Variants in NRG3 observed in about 807,000 individuals in gnomAD.
The protein encoded by NRG3 is neuregulin 3.
NRG3 carries 31 observed loss-of-function variants against 66.9 expected under a neutral mutation model. The ratio of observed to expected loss-of-function variants is 0.46; its 90% CI spans 0.35 to 0.63. The LOEUF is 0.63. Among genes scored for constraint, NRG3 ranks in the 20% least tolerant of loss-of-function variants. The probability of loss-of-function intolerance (pLI) is 0.00; values close to 1 mark genes in which losing one functional copy is unlikely to be tolerated. For missense variants in NRG3, 910 were observed against 878.9 expected, an observed-to-expected ratio of 1.04 and a Z score of -0.45; for synonymous variants, 393 against 359.4, an observed-to-expected ratio of 1.09 and a Z score of -1.06.
At chr10:82,977,500 T>C (rs1175873971) in intron 7 of NRG3, among the ~76,000 whole-genome samples, 2 of 151,568 alleles carry the variant, frequency 1.3e-5, no homozygotes, top group African/African-American at 4.9e-5. Flanking sequence ...TCCCAGCTAC[T>C]TGGGAGGCTG....
At chr10:81,879,285 G>A (rs1452588135) in intron 1 of NRG3, among the ~76,000 whole-genome samples, 2 of 152,214 alleles carry the variant, frequency 1.3e-5, no homozygotes, top group Non-Finnish European at 2.9e-5. Flanking sequence ...GTATTTGAAA[G>A]TAGAGGTTAA....
chr10:82,846,430 A>G (rs2063311798), intron 3 of NRG3, among the ~76,000 whole-genome samples: 1 of 152,214 alleles, frequency 6.6e-6, no homozygotes, highest in African/African-American at 2.4e-5. Context: ...TTATTAAAAT[A>G]CATTTTAAAA....
At chr10:82,647,401 T>C (rs2133858785) in intron 2 of NRG3, among the ~76,000 whole-genome samples, 1 of 152,286 alleles carries the variant, frequency 6.6e-6, no homozygotes, top group African/African-American at 2.4e-5. Flanking sequence ...ATCCAGTCTA[T>C]CATTGTTGGA....
intron 2 of NRG3, among the ~76,000 whole-genome samples, chr10:82,722,793 C>A (rs1452092865): frequency 6.6e-6 from 1 of 152,188 alleles, no homozygotes; most frequent in Non-Finnish European, 1.5e-5. Context: ...CACCCCACTT[C>A]TTCTGTCTCC....
At chr10:82,794,533 G>A (rs1319500684) in intron 3 of NRG3, among the ~76,000 whole-genome samples, 4 of 152,106 alleles carry the variant, frequency 2.6e-5, no homozygotes, top group African/African-American at 7.2e-5. Context: ...TGTTTACACT[G>A]TTTACTCCCT....
At chr10:82,104,689 T>G (rs1411986543) in intron 1 of NRG3, among the ~76,000 whole-genome samples, 2 of 152,178 alleles carry the variant, frequency 1.3e-5, no homozygotes, top group Non-Finnish European at 2.9e-5. Flanking sequence ...ATCTTAACAT[T>G]GTTTATTGAA....
intron 2 of NRG3, among the ~76,000 whole-genome samples, chr10:82,706,770 G>T (rs1359052301): frequency 1.3e-5 from 2 of 151,996 alleles, no homozygotes; most frequent in Non-Finnish European, 2.9e-5. Flanking sequence ...GAGGCAGGTG[G>T]ATCACTTGAT....
At chr10:82,903,858 C>T (rs553084316) in intron 4 of NRG3, among the ~76,000 whole-genome samples, 1 of 152,196 alleles carries the variant, frequency 6.6e-6, no homozygotes, top group Non-Finnish European at 1.5e-5. Flanking sequence ...ATAACTTCCA[C>T]ATTGTCCAAG....
chr10:82,967,775 C>T (rs956537672), intron 6 of NRG3, among the ~76,000 whole-genome samples: 2 of 152,180 alleles, frequency 1.3e-5, no homozygotes, highest in African/African-American at 4.8e-5. Context: ...CTTCCACTGG[C>T]AGAGACATTA....
At chr10:82,694,190 T>C (rs1448139155) in intron 2 of NRG3, among the ~76,000 whole-genome samples, 1 of 152,096 alleles carries the variant, frequency 6.6e-6, no homozygotes, top group African/African-American at 2.4e-5. Flanking sequence ...AGAGTGCTGA[T>C]TGGTGCATTT....
In NRG3 at chr10:82,985,212, T is replaced by C. The variant is rs765090383; in HGVS notation, c.1698T>C (p.Tyr566=). The change falls in exon 9 of 9, where the codon TAT becomes TAC. Residue 566 remains tyrosine (Y), a synonymous_variant. Transcript: ENST00000372141. ...NSLEQKDLVG[Y]SSTRASSVPI... is the part of the protein sequence containing the mutation. Reference sequence around the variant, plus strand: ...TGGAGCAAAAGGACCTGGTGGGCTATTCATCCACAAGGGCCAGTTCTGTGC... The same window carrying C: ...TGGAGCAAAAGGACCTGGTGGGCTACTCATCCACAAGGGCCAGTTCTGTGC... 27 of 1,614,050 alleles carry C rather than the reference T, an allele frequency of 1.7e-5. No individual in the cohort carries two copies. Among genetic ancestry groups the C allele is most frequent in the Non-Finnish European group, 1.9e-5 (23 of 1,180,010 alleles).
chr10:82,126,153 A>G (rs901542822), intron 1 of NRG3, among the ~76,000 whole-genome samples: 1 of 152,090 alleles, frequency 6.6e-6, no homozygotes, highest in African/African-American at 2.4e-5. Context: ...AGTGAATTTC[A>G]CCATTAATGA....
chr10:82,436,849 T>G (rs2090166627), intron 2 of NRG3, among the ~76,000 whole-genome samples: 1 of 152,108 alleles, frequency 6.6e-6, no homozygotes, highest in Admixed American at 6.6e-5. Context: ...TCTTTAAGAG[T>G]GCTAAATATT....
chr10:82,934,266 G>A (rs960929397), intron 4 of NRG3, among the ~76,000 whole-genome samples: 1 of 152,188 alleles, frequency 6.6e-6, no homozygotes, highest in African/African-American at 2.4e-5. Context: ...AATGCGGTTA[G>A]GACATAAAGT....
At chr10:82,634,626 G>C (rs2050064925) in intron 2 of NRG3, among the ~76,000 whole-genome samples, 1 of 152,150 alleles carries the variant, frequency 6.6e-6, no homozygotes, top group South Asian at 2.1e-4. Context: ...GAGAAATATA[G>C]TTAGAAAGTC....
Position 82,073,083 on chromosome 10 carries a change from A to C in NRG3, c.823+196920A>C, listed in dbSNP as rs2133343112. On this transcript the variant is annotated intron_variant, in intron 1 of 8. Transcript: ENST00000372141. ...AGCCACCACACTGGGCCTCTACTGTAGACACATCTTTATAAAATTAGGAAG... is the reference window on the plus strand; with the variant it reads ...AGCCACCACACTGGGCCTCTACTGTCGACACATCTTTATAAAATTAGGAAG... Among the ~76,000 whole-genome samples the C allele has an allele frequency of 1.3e-5, 2 of 152,044 alleles. 1 individual carries two copies. Among genetic ancestry groups the C allele is most frequent in the South Asian group, 4.2e-4 (2 of 4,786 alleles).
Position 81,949,081 on chromosome 10 carries a change from C to A in NRG3, c.823+72918C>A, listed in dbSNP as rs570790116. Among the ~76,000 whole-genome samples, 6 of 152,110 alleles carry A rather than the reference C, an allele frequency of 3.9e-5. No individual in the cohort carries two copies. In the East Asian group the frequency reaches 5.8e-4, roughly 15 times the overall value. On this transcript the variant is annotated intron_variant, in intron 1 of 8. Coordinates refer to ENST00000372141, the MANE Select transcript of NRG3 (RefSeq NM_001010848.4). ...TCAACCAGAGAAGTTCAGTCAAGCC[C>A]TGGGGTACAGAGATTTTACTGGGGC...
At chr10:82,348,946 G>T in intron 1 of NRG3, among the ~76,000 whole-genome samples, 2 of 146,152 alleles carry the variant, frequency 1.4e-5, no homozygotes, top group African/African-American at 2.5e-5. Flanking sequence ...TCTCTGTATT[G>T]GTTATTCTAG....
intron 2 of NRG3, among the ~76,000 whole-genome samples, chr10:82,660,652 G>A (rs181130980): frequency 1.3e-5 from 2 of 152,252 alleles, no homozygotes; most frequent in East Asian, 1.9e-4. Flanking sequence ...ACATGGAACC[G>A]TACTGAGATT....
Sources: allele counts gnomAD v4.1 joint callset (sites outside exome capture counted in the v4.1 genomes callset), GRCh38; gene constraint gnomAD v4.1.1; transcripts MANE v1.5; gene names NCBI Gene and HGNC (gene_info 2026-07-23, HGNC 2026-07-21).